SIPA1L1: variants seen among roughly 807,000 people sequenced by gnomAD.
SIPA1L1 encodes the protein signal induced proliferation associated 1 like 1, also known as signal-induced proliferation-associated 1-like protein 1.
Under a neutral mutation model 162.7 loss-of-function variants are expected in SIPA1L1, and 26 were observed. The observed-to-expected ratio is 0.16, with a 90% confidence interval of 0.12 to 0.22. SIPA1L1 has a LOEUF of 0.22. Ranked by LOEUF, SIPA1L1 falls within the 10% of genes least tolerant of loss-of-function variation. The pLI is 1.00. For missense variants in SIPA1L1, 1,874 were observed against 2,241.0 expected, an observed-to-expected ratio of 0.84 and a Z score of 3.31; for synonymous variants, 829 against 837.4, an observed-to-expected ratio of 0.99 and a Z score of 0.17.
chr14:71,478,752 C>T (rs1048722741), intron 2 of SIPA1L1, among the ~76,000 whole-genome samples: 2 of 152,054 alleles, frequency 1.3e-5, no homozygotes, highest in Admixed American at 6.6e-5. Flanking sequence ...TAGAATAGGA[C>T]GTACTTCCTG....
intron 12 of SIPA1L1, among the ~76,000 whole-genome samples, chr14:71,681,075 G>A (rs1178780177): frequency 6.6e-6 from 1 of 152,154 alleles, no homozygotes. Context: ...TTAAAACAGC[G>A]ATGAGAATGA....
At chr14:71,685,334 GT>G in intron 12 of SIPA1L1, 27 bp from the exon 13 acceptor site, 1 of 1,610,602 alleles carries the variant, frequency 6.2e-7, no homozygotes, top group Non-Finnish European at 8.5e-7. Flanking sequence ...TATCCATTGT[GT>G]TTCTCCCTGT....
intron 4 of SIPA1L1, among the ~76,000 whole-genome samples, chr14:71,541,685 A>G (rs2054396131): frequency 6.6e-6 from 1 of 152,134 alleles, no homozygotes; most frequent in African/African-American, 2.4e-5. Flanking sequence ...AAGCAGGAGG[A>G]TTACTTGAGT....
intron 2 of SIPA1L1, among the ~76,000 whole-genome samples, chr14:71,407,571 A>G (rs2042116344): frequency 6.8e-6 from 1 of 146,910 alleles, no homozygotes; most frequent in African/African-American, 2.5e-5. Context: ...TAGCGGCATG[A>G]TCAGGGCTGA....
chr14:71,499,076 A>G lies in SIPA1L1; in HGVS notation c.-464-13667A>G, dbSNP rs77817106. ...ATATTCCTCAAGTTGTTATTGCATA[A>G]AAGAAACATTTAAATCATGGTTTGC... On this transcript the variant is annotated intron_variant, in intron 2 of 23. Coordinates refer to ENST00000381232, the MANE Select transcript of SIPA1L1 (RefSeq NM_001386936.1). 6.7e-3 allele frequency among the ~76,000 whole-genome samples: 1,025 copies of G among 152,374 alleles called. 7 individuals are homozygous for G. Among genetic ancestry groups the G allele is most frequent in the Non-Finnish European group, 0.012 (799 of 68,032 alleles).
In SIPA1L1 at chr14:71,685,433, A is replaced by G. The variant is rs761030798; in HGVS notation, c.3176A>G (p.Lys1059Arg). ...AATGAAGGTGTTTCATACGAATTCA[A>G]GTTTCCCTTCCGAAATAATAACAAG... Reference protein sequence around the residue: ...KMNEGVSYEFKFPFRNNNKWQ... With the variant: ...KMNEGVSYEFRFPFRNNNKWQ... Residue 1059 changes from lysine to arginine, a missense_variant, in exon 13 of 24, where the codon AAG (lysine) becomes AGG (arginine). Around this residue, in one of 5 missense-constraint regions of SIPA1L1, gnomAD observed 936 missense variants for 1,051.9 expected, o/e 0.89. Coordinates refer to ENST00000381232, the MANE Select transcript of SIPA1L1 (RefSeq NM_001386936.1). The G allele has an allele frequency of 6.8e-6, 11 of 1,614,086 alleles. No individual in the cohort carries two copies. The African/African-American group carries it at 1.5e-4, about 22-fold the overall frequency.
At chr14:71,637,228 A>G (rs1354833475) in intron 7 of SIPA1L1, among the ~76,000 whole-genome samples, 1 of 151,984 alleles carries the variant, frequency 6.6e-6, no homozygotes, top group East Asian at 1.9e-4. Context: ...CAGACAATAC[A>G]AATCTTGTCA....
At chr14:71,641,964 G>A (rs555355210) in intron 7 of SIPA1L1, among the ~76,000 whole-genome samples, 23 of 152,200 alleles carry the variant, frequency 1.5e-4, no homozygotes, top group Non-Finnish European at 2.5e-4. Context: ...TGTGTTGGGG[G>A]TTTGTCAGAA....
intron 4 of SIPA1L1, among the ~76,000 whole-genome samples, chr14:71,549,238 A>G (rs754318660): frequency 1.3e-5 from 2 of 152,032 alleles, no homozygotes; most frequent in Non-Finnish European, 2.9e-5. Context: ...ACTAGGTGTA[A>G]TTTATTCCCA....
chr14:71,712,723 G>T (rs1191789646), intron 17 of SIPA1L1, among the ~76,000 whole-genome samples: 1 of 152,142 alleles, frequency 6.6e-6, no homozygotes, highest in African/African-American at 2.4e-5. Context: ...GCTGTTTCTG[G>T]TGTTGGAGCT....
chr14:71,373,276 A>C (rs1463032205), intron 2 of SIPA1L1, among the ~76,000 whole-genome samples: 1 of 145,758 alleles, frequency 6.9e-6, no homozygotes, highest in African/African-American at 2.6e-5. Context: ...ACGCCACTGC[A>C]CTCCAACCTG....
At chr14:71,606,841 C>T (rs1302213874) in intron 5 of SIPA1L1, among the ~76,000 whole-genome samples, 1 of 151,942 alleles carries the variant, frequency 6.6e-6, no homozygotes, top group Non-Finnish European at 1.5e-5. Flanking sequence ...ACGGAAATAA[C>T]CTGTACTATT....
At chr14:71,686,359 T>G (rs766343845) in intron 13 of SIPA1L1, among the ~76,000 whole-genome samples, 3 of 152,194 alleles carry the variant, frequency 2.0e-5, no homozygotes, top group Non-Finnish European at 4.4e-5. Context: ...CTGCAGCACT[T>G]TGAACTAGAG....
At chr14:71,585,358 A>G (rs906376562) in intron 4 of SIPA1L1, among the ~76,000 whole-genome samples, 12 of 152,186 alleles carry the variant, frequency 7.9e-5, no homozygotes, top group Non-Finnish European at 1.6e-4. Flanking sequence ...TCGTTGTTAT[A>G]TAATGTAATG....
intron 2 of SIPA1L1, among the ~76,000 whole-genome samples, chr14:71,424,824 T>A (rs143949386): frequency 6.6e-6 from 1 of 152,156 alleles, no homozygotes; most frequent in African/African-American, 2.4e-5. Context: ...TATATGGAAA[T>A]TTGAGAGGGA....
intron 2 of SIPA1L1, among the ~76,000 whole-genome samples, chr14:71,416,841 G>A (rs957101500): frequency 5.9e-5 from 9 of 151,734 alleles, no homozygotes; most frequent in Non-Finnish European, 7.4e-5. Context: ...TTTTTGAGCA[G>A]CATTATTCTA....
intron 2 of SIPA1L1, among the ~76,000 whole-genome samples, chr14:71,362,509 C>T (rs574386235): frequency 3.9e-5 from 6 of 152,330 alleles, no homozygotes; most frequent in South Asian, 2.1e-4. Context: ...GAACCACCCA[C>T]GTTTTCCATT....
At chr14:71,496,622 T>G (rs1252227843) in intron 2 of SIPA1L1, among the ~76,000 whole-genome samples, 1 of 152,226 alleles carries the variant, frequency 6.6e-6, no homozygotes, top group Non-Finnish European at 1.5e-5. Flanking sequence ...TATGGTTAAT[T>G]ATACTGTCTA....
chr14:71,443,554 G>A (rs1274472458), intron 2 of SIPA1L1, among the ~76,000 whole-genome samples: 3 of 152,142 alleles, frequency 2.0e-5, no homozygotes, highest in Admixed American at 2.0e-4. Context: ...ATGTACTTGA[G>A]ATGACATGCA....
Sources: gnomAD v4.1 joint callset for allele counts (sites outside exome capture counted in the v4.1 genomes callset) on GRCh38, gnomAD v4.1.1 for gene constraint, gnomAD v4.1.1 regional missense constraint, MANE v1.5 for transcripts, NCBI Gene and HGNC (gene_info 2026-07-23, HGNC 2026-07-21) for gene names.